Variants in EFCAB8 observed in about 807,000 individuals in gnomAD.
The protein encoded by EFCAB8 is EF-hand calcium binding domain 8.
In EFCAB8, 100 loss-of-function variants were observed where a neutral mutation model predicts 116.3. The observed-to-expected ratio is 0.86, with a 90% CI of 0.73 to 1.02. EFCAB8 has a LOEUF of 1.02. Ranked by LOEUF, EFCAB8 falls within the 50% of genes least tolerant of loss-of-function variation. The pLI is 0.00. For synonymous variants in EFCAB8, 558 were observed against 567.9 expected, an observed-to-expected ratio of 0.98 and a Z score of 0.25; for missense variants, 1,320 against 1,416.9, an observed-to-expected ratio of 0.93 and a Z score of 1.10.
chr20:32,867,207 A>G (rs1217579779), intron 2 of EFCAB8, among the ~76,000 whole-genome samples: 1 of 152,246 alleles, frequency 6.6e-6, no homozygotes, highest in Non-Finnish European at 1.5e-5. Flanking sequence ...GGCATGAGCC[A>G]CCATGCCCAG....
At chr20:32,920,786 G>C (rs1274782834) in intron 20 of EFCAB8, among the ~76,000 whole-genome samples, 1 of 152,140 alleles carries the variant, frequency 6.6e-6, no homozygotes, top group Non-Finnish European at 1.5e-5. Context: ...TGGAGTTGGG[G>C]TGCCTAGGGA....
chr20:32,908,140 C>A (rs1986763450), intron 13 of EFCAB8, 135 bp from the exon 14 acceptor site: 2 of 805,056 alleles, frequency 2.5e-6, no homozygotes, highest in South Asian at 6.7e-5. Flanking sequence ...GTGCCAACAC[C>A]ATGTGTGTGT....
intron 13 of EFCAB8, 177 bp downstream of exon 13, chr20:32,907,171 G>T: frequency 1.0e-6 from 1 of 972,424 alleles, no homozygotes; most frequent in Non-Finnish European, 1.2e-6. Context: ...CCCAGAGCTG[G>T]GTTCCCAGGT....
chr20:32,945,549 A>G (rs1164820859), intron 23 of EFCAB8, among the ~76,000 whole-genome samples: 2 of 152,286 alleles, frequency 1.3e-5, no homozygotes, highest in East Asian at 3.9e-4. Context: ...CATTTTTATT[A>G]CGGTTACTTA....
rs1296239596 is a variant in EFCAB8, at chr20:32,874,172, CA to C, written c.209-1753del. ...CTGGGCTCAAGCCTTCTGCCCACCT[CA>C]GCCTCCCAAAGTACTGGGATTATAG... is the stretch of plus-strand genomic sequence containing the variant. On this transcript the variant is annotated intron_variant, in intron 3 of 26. Coordinates refer to ENST00000400522, the MANE Select transcript of EFCAB8 (RefSeq NM_001143967.2). Among the ~76,000 whole-genome samples, 397 of 152,034 alleles carry C rather than the reference CA, an allele frequency of 2.6e-3. 3 individuals are homozygous for C. Among genetic ancestry groups the C allele is most frequent in the African/African-American group, 9.2e-3 (380 of 41,312 alleles).
At chr20:32,902,610 G>A (rs1986479084) in intron 11 of EFCAB8, among the ~76,000 whole-genome samples, 1 of 152,214 alleles carries the variant, frequency 6.6e-6, no homozygotes, top group South Asian at 2.1e-4. Flanking sequence ...AGCTGGGAGT[G>A]TTGGCACACC....
At chr20:32,940,046 TTCCTTCCTTCCTTCC>T (rs1988355389) in intron 22 of EFCAB8, among the ~76,000 whole-genome samples, 4 of 89,232 alleles carry the variant, frequency 4.5e-5, no homozygotes, top group Non-Finnish European at 8.7e-5. Context: ...CCTTCCTTCC[TTCCTTCCTTCCTTCC>T]TTCCTTCCTT....
intron 20 of EFCAB8, among the ~76,000 whole-genome samples, chr20:32,928,718 T>G (rs1987768975): frequency 6.6e-6 from 1 of 152,150 alleles, no homozygotes; most frequent in African/African-American, 2.4e-5. Flanking sequence ...TTTTGCCTAA[T>G]CCCTCTGGCA....
intron 23 of EFCAB8, among the ~76,000 whole-genome samples, chr20:32,952,804 T>A (rs1712525137): frequency 6.6e-6 from 1 of 152,212 alleles, no homozygotes. Context: ...AAAGAACATG[T>A]TGGGTACTTT....
intron 3 of EFCAB8, among the ~76,000 whole-genome samples, chr20:32,873,952 ACT>A (rs1185934014): frequency 6.6e-6 from 1 of 151,426 alleles, no homozygotes; most frequent in African/African-American, 2.4e-5. Flanking sequence ...ACAGGGTCTT[ACT>A]CTGTTATCCA....
Position 32,907,013 on chromosome 20 carries a change from C to T in EFCAB8, c.1308+19C>T. The T allele has an allele frequency of 6.7e-7, 1 of 1,487,740 alleles. No homozygotes were observed. The highest frequency in any genetic ancestry group is 9.0e-7 in the Non-Finnish European group (1 of 1,114,450). 92.2% of individuals were successfully genotyped at this position (1,487,740 alleles called of 1,614,324 possible). On this transcript the variant is annotated intron_variant, in intron 13 of 26. Transcript: ENST00000400522. ...GGACAAGGTCCGCCCCGACGGTCCG[C>T]CTGACTCCTTCTGTTCCTCAGGGAA...
intron 22 of EFCAB8, among the ~76,000 whole-genome samples, chr20:32,939,196 TTTCTTTC>T (rs1272167749): frequency 2.1e-3 from 150 of 72,804 alleles, no homozygotes; most frequent in Non-Finnish European, 3.1e-3. Flanking sequence ...TCTTTCTTTC[TTTCTTTC>T]CTCTCTCTCT....
chr20:32,867,893 TGCAGTGGTGTGATCACCACG>T, intron 3 of EFCAB8, 146 bp downstream of exon 3: 2 of 919,200 alleles, frequency 2.2e-6, no homozygotes, highest in Non-Finnish European at 3.2e-6. Flanking sequence ...CAGTCTGGAG[TGCAGTGGTGTGATCACCACG>T]GCAGCCTCAA....
chr20:32,905,759 CAA>C (rs571052063), intron 11 of EFCAB8, among the ~76,000 whole-genome samples: 12 of 71,456 alleles, frequency 1.7e-4, no homozygotes, highest in Admixed American at 5.5e-4. Context: ...GACTCCATCT[CAA>C]AAAAAAAAAA....
At position 32,896,471 on chromosome 20, in the gene EFCAB8, T is replaced by A. The variant is rs761761008; in HGVS notation, c.901T>A (p.Ser301Thr). 2.8e-6 allele frequency: 2 copies of A among 718,870 alleles called. No homozygotes were observed. The highest frequency in any genetic ancestry group is 1.5e-5 in the South Asian group (1 of 67,606). The allele number at this position is 718,870 out of a possible 1,614,324, so 44.5% of individuals were successfully genotyped here. ...ASKWDHWIKV[S>T]LQKLLNEKSA... is the part of the protein sequence containing the mutation. ...CCTATCAGATCACTGGATCAAAGTT[T>A]CCTTGCAGAAACTCTTAAATGAGAA... Residue 301 changes from serine to threonine, a missense_variant, in exon 10 of 27, where the codon TCC becomes ACC. By Grantham distance (58) the Ser-to-Thr change is moderately conservative. Transcript: ENST00000400522.
At chr20:32,871,743 C>CCAA (rs1469977413) in intron 3 of EFCAB8, among the ~76,000 whole-genome samples, 1 of 152,108 alleles carries the variant, frequency 6.6e-6, no homozygotes, top group Non-Finnish European at 1.5e-5. Context: ...CTTAGGCACC[C>CCAA]CAACTGTCAC....
chr20:32,867,802 C>T lies in EFCAB8; in HGVS notation c.208+55C>T, dbSNP rs1984501175. Reference sequence around the variant, plus strand: ...TGTGAGTTCTGCAACAGGGCAGGACCGAGTACCTGGGGTGTGTGGAGGGTT... The same window carrying T: ...TGTGAGTTCTGCAACAGGGCAGGACTGAGTACCTGGGGTGTGTGGAGGGTT... On this transcript the variant is annotated intron_variant, in intron 3 of 26. Transcript: ENST00000400522. The T allele has an allele frequency of 1.8e-5, 28 of 1,521,102 alleles. No homozygotes were observed. The South Asian group carries it at 2.8e-4, about 15-fold the overall frequency. 94.2% of individuals were successfully genotyped at this position (1,521,102 alleles called of 1,614,324 possible).
Position 32,862,155 on chromosome 20 carries a change from G to C in EFCAB8, c.-10-1628G>C, listed in dbSNP as rs1488917122. 2.7e-5 allele frequency among the ~76,000 whole-genome samples: 4 copies of C among 148,882 alleles called. No individual in the cohort carries two copies. In the East Asian group the frequency reaches 7.8e-4, roughly 29 times the overall value. On this transcript the variant is annotated intron_variant, in intron 1 of 26. Transcript: ENST00000400522. ...TTTTCTTTTTTTTTTTTTTGAGACA[G>C]GGTCTCACTCTGTCATCCAGGCTGG...
At chr20:32,863,671 C>T in intron 1 of EFCAB8, 112 bp from the exon 2 acceptor site, 1 of 997,514 alleles carries the variant, frequency 1.0e-6, no homozygotes, top group Non-Finnish European at 1.5e-6. Context: ...GGGAAGCCAC[C>T]CTCTCCCTTG....
Sources: allele counts gnomAD v4.1 joint callset (sites outside exome capture counted in the v4.1 genomes callset), GRCh38; gene constraint gnomAD v4.1.1; transcripts MANE v1.5; gene names NCBI Gene and HGNC (gene_info 2026-07-23, HGNC 2026-07-21).